THAP5: variants seen among roughly 807,000 people sequenced by gnomAD.
The protein encoded by THAP5 is THAP domain containing 5.
Under a neutral mutation model 34.0 loss-of-function variants are expected in THAP5, and 26 were observed. The ratio of observed to expected loss-of-function variants is 0.77; its 90% CI spans 0.56 to 1.06. The LOEUF (loss-of-function observed/expected upper bound fraction) is 1.06, where lower values mean the gene tolerates loss of function less well. Ranked by LOEUF, THAP5 falls within the 50% of genes least tolerant of loss-of-function variation. THAP5 has a pLI of 0.00. For missense variants in THAP5, 394 were observed against 452.8 expected, an observed-to-expected ratio of 0.87 and a Z score of 1.18; for synonymous variants, 125 against 153.0, an observed-to-expected ratio of 0.82 and a Z score of 1.35.
the THAP5 span, among the ~76,000 whole-genome samples, chr7:108,542,106 T>A: frequency 1.3e-5 from 2 of 152,194 alleles, no homozygotes; most frequent in Admixed American, 6.5e-5. Context: ...TCATAGTTTG[T>A]CGAATTTGTA....
downstream of THAP5, among the ~76,000 whole-genome samples, chr7:108,560,370 T>TGAGTCTGTTCTATAC (rs1227575942): frequency 6.6e-6 from 1 of 152,236 alleles, no homozygotes; most frequent in Non-Finnish European, 1.5e-5. Context: ...CTGAGGTAGA[T>TGAGTCTGTTCTATAC]GAGTCTGTTC....
chr7:108,564,160 T>G lies in THAP5; in HGVS notation c.*31A>C. The stretch of plus-strand genomic sequence containing the variant: ...TTTGGTTTGGCTGGAAAAAGCTTAT[T>G]TAACAGCCATAGTTTTAAAACCTAG... On this transcript the variant is annotated 3_prime_UTR_variant, in exon 3 of 3. Coordinates refer to ENST00000415914, the MANE Select transcript of THAP5 (RefSeq NM_001130475.3). 6.6e-7 allele frequency: 1 copy of G among 1,507,780 alleles called. No individual in the cohort carries two copies. Among genetic ancestry groups the G allele is most frequent in the Non-Finnish European group, 8.9e-7 (1 of 1,124,528 alleles). The allele number at this position is 1,507,780 out of a possible 1,614,324, so 93.4% of individuals were successfully genotyped here. A position where few individuals can be genotyped will look rare whatever the true frequency, so the allele number is the denominator to read the frequency against.
At position 108,565,080 on chromosome 7, in the gene THAP5, G is replaced by T; in HGVS notation, c.299C>A (p.Ser100Tyr). 6.6e-7 allele frequency: 1 copy of T among 1,511,808 alleles called. No individual in the cohort carries two copies. The highest frequency in any genetic ancestry group is 8.8e-7 in the Non-Finnish European group (1 of 1,131,634). The allele number at this position is 1,511,808 out of a possible 1,614,324, so 93.6% of individuals were successfully genotyped here. A position where few individuals can be genotyped will look rare whatever the true frequency, so the allele number is the denominator to read the frequency against. Residue 100 changes from serine to tyrosine, a missense_variant, in exon 3 of 3, where the codon TCC (serine) becomes TAC (tyrosine). Physicochemically the swap from Ser to Tyr is moderately radical, Grantham distance 144. Transcript: ENST00000415914. ...NQGKDPSKKK[S>Y]QKKNLEDEKE... ...CTCATCTTCCAAGTTTTTCTTCTGG[G>T]ATTTTTTTTTAGAAGGGTCTTTTCC...
At chr7:108,551,142 C>T (rs1454564735), downstream of THAP5, among the ~76,000 whole-genome samples, 4 of 152,156 alleles carry the variant, frequency 2.6e-5, no homozygotes, top group African/African-American at 9.7e-5. Flanking sequence ...GTTCTTTCCC[C>T]TATGTTTTCT....
rs1442545803 is a variant in THAP5 at position 108,569,610 on chromosome 7, T to G, written c.-41A>C. 3 of 1,548,032 alleles carry G rather than the reference T, an allele frequency of 1.9e-6. No individual in the cohort carries two copies. Among genetic ancestry groups the G allele is most frequent in the East Asian group, 4.9e-5 (2 of 40,932 alleles). The stretch of plus-strand genomic sequence containing the variant: ...CCTGGAGACCGGGGCCGGCGACGGA[T>G]GCAGGGCGGCCCTCCTCACTGAGGA... On this transcript the variant is annotated 5_prime_UTR_variant, in exon 1 of 3. Transcript: ENST00000415914.
downstream of THAP5, among the ~76,000 whole-genome samples, chr7:108,558,116 G>A (rs1455685519): frequency 6.6e-6 from 1 of 151,862 alleles, no homozygotes; most frequent in Admixed American, 6.6e-5. Flanking sequence ...TTTCCCCCAT[G>A]ATCCAATCAT....
downstream of THAP5, among the ~76,000 whole-genome samples, chr7:108,549,856 G>A (rs1864342771): frequency 6.6e-6 from 1 of 152,130 alleles, no homozygotes; most frequent in Non-Finnish European, 1.5e-5. Flanking sequence ...AGAACTCGAT[G>A]TTTCTGAGCC....
At chr7:108,557,733 A>G (rs1307577746), downstream of THAP5, among the ~76,000 whole-genome samples, 1 of 152,182 alleles carries the variant, frequency 6.6e-6, no homozygotes. Flanking sequence ...TGAGCCCTCC[A>G]AATTGTTCCA....
downstream of THAP5, among the ~76,000 whole-genome samples, chr7:108,553,541 C>G (rs1319829014): frequency 2.0e-5 from 3 of 152,068 alleles, no homozygotes; most frequent in African/African-American, 7.2e-5. Context: ...AAATTTTGAA[C>G]CTTTGTTTCC....
At chr7:108,569,320 T>C (rs1202499933) in intron 1 of THAP5, 170 bp downstream of exon 1, 11 of 1,458,930 alleles carry the variant, frequency 7.5e-6, no homozygotes, top group African/African-American at 5.7e-5. Context: ...AAGAAGGGCA[T>C]TGCTAGCTAA....
At chr7:108,546,540 G>A in the THAP5 span, among the ~76,000 whole-genome samples, 6 of 152,152 alleles carry the variant, frequency 3.9e-5, no homozygotes, top group South Asian at 2.1e-4. Context: ...AAGAGGAATC[G>A]TAAGGGGACG....
chr7:108,558,138 C>A (rs774917243), downstream of THAP5, among the ~76,000 whole-genome samples: 2 of 151,764 alleles, frequency 1.3e-5, no homozygotes, highest in Admixed American at 6.6e-5. Context: ...TCCCACTAGA[C>A]CCCCCTTCCT....
At chr7:108,557,508 G>T (rs576746153), downstream of THAP5, among the ~76,000 whole-genome samples, 1 of 152,288 alleles carries the variant, frequency 6.6e-6, no homozygotes, top group South Asian at 2.1e-4. Flanking sequence ...TTCAAAGGTC[G>T]ACAGATCCCT....
chr7:108,558,381 GTATATATATATATATATATA>G (rs66806128), downstream of THAP5, among the ~76,000 whole-genome samples: 3 of 93,854 alleles, frequency 3.2e-5, no homozygotes, highest in Admixed American at 1.0e-4. Context: ...GTGTGTGTAT[GTATATATATATATATATATA>G]TATATATATA....
Position 108,565,812 on chromosome 7 carries a change from T to A in THAP5, c.273+18A>T, listed in dbSNP as rs1204861448. 6.6e-7 allele frequency: 1 copy of A among 1,523,808 alleles called. No individual in the cohort carries two copies. Among genetic ancestry groups the A allele is most frequent in the Non-Finnish European group, 8.8e-7 (1 of 1,135,588 alleles). The allele number at this position is 1,523,808 out of a possible 1,614,324, so 94.4% of individuals were successfully genotyped here. A position where few individuals can be genotyped will look rare whatever the true frequency, so the allele number is the denominator to read the frequency against. On this transcript the variant is annotated intron_variant, in intron 2 of 2. Coordinates refer to ENST00000415914, the MANE Select transcript of THAP5 (RefSeq NM_001130475.3). ...CTGCCACTCTGCTCAGCATTACCCC[T>A]CTCCCATACTGCAATACCTGATTGT... is the stretch of plus-strand genomic sequence containing the variant.
At chr7:108,552,203 G>A (rs562805297), downstream of THAP5, among the ~76,000 whole-genome samples, 327 of 152,186 alleles carry the variant, frequency 2.1e-3, 1 homozygote, top group African/African-American at 7.3e-3. Context: ...GGTAAGGAGC[G>A]AAACAGCTAC....
At position 108,569,565 on chromosome 7, in the gene THAP5, G is replaced by C; in HGVS notation, c.5C>G (p.Pro2Arg). M[P>R]RYCAAICCKN... ...ACAACAAATCGCTGCGCAATAGCGG[G>C]GCATGACTCGGGTGAGGCCCCTGGA... The change falls in exon 1 of 3, where the codon CCC becomes CGC. Residue 2 changes from proline (P) to arginine (R), a missense_variant. Pro to Arg is a moderately radical substitution (Grantham distance 103). Transcript: ENST00000415914. The C allele has an allele frequency of 6.4e-7, 1 of 1,551,494 alleles. No individual in the cohort carries two copies. Among genetic ancestry groups the C allele is most frequent in the East Asian group, 2.4e-5 (1 of 40,926 alleles).
At chr7:108,569,439 G>C (rs1790562402) in intron 1 of THAP5, 51 bp downstream of exon 1, 1 of 1,550,732 alleles carries the variant, frequency 6.4e-7, no homozygotes, top group Non-Finnish European at 8.7e-7. Context: ...AAAGGCCACA[G>C]GTCCAAGGCC....
chr7:108,551,903 A>G (rs1209484024), downstream of THAP5, among the ~76,000 whole-genome samples: 1 of 152,194 alleles, frequency 6.6e-6, no homozygotes, highest in African/African-American at 2.4e-5. Flanking sequence ...AGCTGGACCC[A>G]GTTGGAGTCC....
Sources: allele counts gnomAD v4.1 joint callset (sites outside exome capture counted in the v4.1 genomes callset), GRCh38; gene constraint gnomAD v4.1.1; transcripts MANE v1.5; gene names NCBI Gene and HGNC (gene_info 2026-07-23, HGNC 2026-07-21).